CD48: variants seen among roughly 807,000 people sequenced by gnomAD.
CD48 encodes the protein CD48 molecule.
In CD48, 20 loss-of-function variants were observed where a neutral mutation model predicts 22.0. The ratio of observed to expected loss-of-function variants is 0.91; its 90% CI spans 0.64 to 1.32. The LOEUF (loss-of-function observed/expected upper bound fraction) is 1.32. CD48 is among the 40% of genes most tolerant of loss of function. The probability of loss-of-function intolerance (pLI) is 0.00; values close to 1 mark genes in which losing one functional copy is unlikely to be tolerated. For missense variants in CD48, 307 were observed against 286.5 expected, an observed-to-expected ratio of 1.07 and a Z score of -0.52; for synonymous variants, 110 against 110.1, an observed-to-expected ratio of 1.00 and a Z score of 0.01.
At chr1:160,684,348 A>C in intron 2 of CD48, 1 of 166,512 alleles carries the variant, frequency 6.0e-6, no homozygotes, top group Non-Finnish European at 1.3e-5. Context: ...ACAGCTAGTG[A>C]GCAACTGACC....
At position 160,692,253 on chromosome 1, in the gene CD48, A is replaced by C. The variant is rs1219844453; in HGVS notation, c.83-7064T>G. On this transcript the variant is annotated intron_variant, in intron 1 of 3. Coordinates refer to ENST00000368046, the MANE Select transcript of CD48 (RefSeq NM_001778.4). ...ATTGTAATGAAAAGACAAGGAAAAA[A>C]TCCCAGAAGGAAACGGAAACTTTAC... 2.6e-5 allele frequency: 4 copies of C among 152,320 alleles called. No individual in the cohort carries two copies. In the East Asian group the frequency reaches 7.7e-4, roughly 29 times the overall value. 9.4% of individuals were successfully genotyped at this position (152,320 alleles called of 1,614,324 possible).
intron 1 of CD48, among the ~76,000 whole-genome samples, chr1:160,710,636 A>G (rs1662920169): frequency 6.6e-6 from 1 of 152,210 alleles, no homozygotes; most frequent in South Asian, 2.1e-4. Flanking sequence ...TGAATACTTC[A>G]CATCAGCCCC....
At chr1:160,680,725 T>C in intron 3 of CD48, 1 of 1,024,730 alleles carries the variant, frequency 9.8e-7, no homozygotes, top group Non-Finnish European at 1.2e-6. Flanking sequence ...CGACGGCCTC[T>C]CTCAGGCCCG....
At chr1:160,709,286 T>A (rs1662882863) in intron 1 of CD48, among the ~76,000 whole-genome samples, 1 of 152,340 alleles carries the variant, frequency 6.6e-6, no homozygotes, top group South Asian at 2.1e-4. Context: ...AAGAATTTAC[T>A]GATGCTCTTC....
intron 1 of CD48, among the ~76,000 whole-genome samples, chr1:160,689,803 G>A (rs1353173440): frequency 6.6e-6 from 1 of 152,146 alleles, no homozygotes; most frequent in Admixed American, 6.5e-5. Flanking sequence ...TGGGATTGAT[G>A]ATCTCCTGGT....
At chr1:160,705,407 A>G (rs142301409) in intron 1 of CD48, among the ~76,000 whole-genome samples, 2 of 152,316 alleles carry the variant, frequency 1.3e-5, no homozygotes, top group African/African-American at 4.8e-5. Flanking sequence ...AGACCTCAAA[A>G]TGCCCATAAC....
chr1:160,684,586 A>T (rs1661921207), intron 2 of CD48: 1 of 771,874 alleles, frequency 1.3e-6, no homozygotes, highest in Non-Finnish European at 2.0e-6. Context: ...AGCTGAGCTG[A>T]TTTAGGTTGA....
intron 2 of CD48, among the ~76,000 whole-genome samples, chr1:160,683,041 C>T (rs972369875): frequency 6.6e-6 from 1 of 152,180 alleles, no homozygotes; most frequent in African/African-American, 2.4e-5. Context: ...AGTTTTGTCT[C>T]CTCTGTGAAG....
chr1:160,702,788 A>T (rs2102434468), intron 1 of CD48, among the ~76,000 whole-genome samples: 1 of 152,276 alleles, frequency 6.6e-6, no homozygotes, highest in East Asian at 1.9e-4. Flanking sequence ...GCTTTAATAT[A>T]TGCAGGCAAC....
At chr1:160,702,188 A>T (rs1662651870) in intron 1 of CD48, among the ~76,000 whole-genome samples, 1 of 152,112 alleles carries the variant, frequency 6.6e-6, no homozygotes, top group South Asian at 2.1e-4. Flanking sequence ...GGCCCACTGA[A>T]CCTTGAGGTA....
intron 1 of CD48, among the ~76,000 whole-genome samples, chr1:160,705,017 T>C (rs1470034405): frequency 6.6e-6 from 1 of 152,202 alleles, no homozygotes; most frequent in Non-Finnish European, 1.5e-5. Flanking sequence ...ATGTCCTATA[T>C]CACTCTGGTG....
rs554987791 is a variant in CD48 at position 160,711,595 on chromosome 1, C to T, written c.82+87G>A. ...GCTTTCCAGACACCAGATCTGGCTTCTAGGGTTGAACTACATCCCGTCTCC... is the reference window on the plus strand; with the variant it reads ...GCTTTCCAGACACCAGATCTGGCTTTTAGGGTTGAACTACATCCCGTCTCC... On this transcript the variant is annotated intron_variant, in intron 1 of 3. Transcript: ENST00000368046. The T allele has an allele frequency of 1.5e-5, 15 of 994,476 alleles. No individual in the cohort carries two copies. In the East Asian group the frequency reaches 3.2e-4, roughly 21 times the overall value. The allele number at this position is 994,476 out of a possible 1,614,324, so 61.6% of individuals were successfully genotyped here.
chr1:160,696,107 C>T (rs1041491389), intron 1 of CD48, among the ~76,000 whole-genome samples: 64 of 152,374 alleles, frequency 4.2e-4, no homozygotes, highest in African/African-American at 1.5e-3. Flanking sequence ...TTAGAAAATG[C>T]TCTAACAGTA....
At chr1:160,687,690 G>A (rs1006829950) in intron 1 of CD48, among the ~76,000 whole-genome samples, 6 of 152,112 alleles carry the variant, frequency 3.9e-5, no homozygotes, top group African/African-American at 1.4e-4. Context: ...TCTTGATTTT[G>A]ACACAGGATT....
intron 1 of CD48, among the ~76,000 whole-genome samples, chr1:160,702,452 G>A (rs1450875286): frequency 6.6e-6 from 1 of 152,034 alleles, no homozygotes; most frequent in African/African-American, 2.4e-5. Context: ...ATTTGATGTC[G>A]GGTCCATCCC....
intron 1 of CD48, among the ~76,000 whole-genome samples, chr1:160,710,977 AG>A (rs1304499072): frequency 6.6e-5 from 10 of 152,220 alleles, no homozygotes; most frequent in Non-Finnish European, 1.5e-4. Context: ...AGCTGGCATA[AG>A]AAGAGAGGTA....
At chr1:160,684,562 A>C (rs1416879278) in intron 2 of CD48, 1 of 615,580 alleles carries the variant, frequency 1.6e-6, no homozygotes, top group Non-Finnish European at 2.7e-6. Flanking sequence ...AATTTCGGAG[A>C]TATAATCAAG....
At chr1:160,710,401 T>TTATATAACCC (rs1662912540) in intron 1 of CD48, among the ~76,000 whole-genome samples, 1 of 152,110 alleles carries the variant, frequency 6.6e-6, no homozygotes, top group African/African-American at 2.4e-5. Context: ...ATAGCCCGGG[T>TTATATAACCC]GTTATAACCC....
rs553045852 is a variant in CD48 at position 160,705,539 on chromosome 1, C to A, written c.82+6143G>T. On this transcript the variant is annotated intron_variant, in intron 1 of 3. Coordinates refer to ENST00000368046, the MANE Select transcript of CD48 (RefSeq NM_001778.4). ...ATGGATTACATGAATACAGTCATCGCACAACCACAACATGCCTGGCGCTGT... is the reference window on the plus strand; with the variant it reads ...ATGGATTACATGAATACAGTCATCGAACAACCACAACATGCCTGGCGCTGT... 3.9e-3 allele frequency among the ~76,000 whole-genome samples: 597 copies of A among 152,304 alleles called. 5 individuals are homozygous for A. The highest frequency in any genetic ancestry group is 0.013 in the African/African-American group (553 of 41,552).
Sources: allele counts gnomAD v4.1 joint callset (sites outside exome capture counted in the v4.1 genomes callset), GRCh38; gene constraint gnomAD v4.1.1; transcripts MANE v1.5; gene names NCBI Gene and HGNC (gene_info 2026-07-23, HGNC 2026-07-21).